Variants in PARN observed in about 807,000 individuals in gnomAD.
The protein encoded by PARN is poly(A)-specific ribonuclease PARN.
Under a neutral mutation model 102.8 loss-of-function variants are expected in PARN, and 71 were observed. The observed-to-expected ratio is 0.69, with a 90% CI of 0.57 to 0.84. The LOEUF (loss-of-function observed/expected upper bound fraction) is 0.84, where lower values mean the gene tolerates loss of function less well. PARN is among the 40% of genes least tolerant of loss of function. PARN has a pLI of 0.00. For missense variants in PARN, 782 were observed against 760.9 expected (o/e 1.03, Z -0.33); for synonymous variants, 261 against 252.9 (o/e 1.03, Z -0.30).
intron 21 of PARN, among the ~76,000 whole-genome samples, chr16:14,518,975 A>C (rs1055356382): frequency 6.6e-6 from 1 of 152,096 alleles, no homozygotes; most frequent in Admixed American, 6.5e-5. Context: ...ACTGCAAAAG[A>C]CAAATCTTAA....
At chr16:14,618,854 T>C (rs1972103709) in intron 5 of PARN, among the ~76,000 whole-genome samples, 1 of 152,034 alleles carries the variant, frequency 6.6e-6, no homozygotes, top group Admixed American at 6.6e-5. Flanking sequence ...CCACCTCAAA[T>C]TAGATAATGA....
At chr16:14,469,573 C>G (rs894965902) in intron 22 of PARN, among the ~76,000 whole-genome samples, 1 of 152,192 alleles carries the variant, frequency 6.6e-6, no homozygotes, top group Non-Finnish European at 1.5e-5. Context: ...CCTATCAGTA[C>G]AAGGACAAAC....
intron 20 of PARN, among the ~76,000 whole-genome samples, chr16:14,553,580 T>C (rs956930301): frequency 1.3e-5 from 2 of 152,156 alleles, no homozygotes; most frequent in African/African-American, 2.4e-5. Context: ...TAAACACTTA[T>C]CAGGAGACTG....
At chr16:14,613,525 A>G (rs1971660932) in intron 6 of PARN, among the ~76,000 whole-genome samples, 1 of 152,118 alleles carries the variant, frequency 6.6e-6, no homozygotes, top group Admixed American at 6.5e-5. Flanking sequence ...CAGGAGGCTG[A>G]GGTGGGATAA....
At chr16:14,581,612 T>C (rs1224612594) in intron 17 of PARN, among the ~76,000 whole-genome samples, 1 of 152,074 alleles carries the variant, frequency 6.6e-6, no homozygotes, top group Non-Finnish European at 1.5e-5. Flanking sequence ...ACGAGGGAAT[T>C]AGTGCCCTTA....
chr16:14,504,856 A>G (rs1964806443), intron 21 of PARN, among the ~76,000 whole-genome samples: 1 of 151,984 alleles, frequency 6.6e-6, no homozygotes, highest in Non-Finnish European at 1.5e-5. Flanking sequence ...ATTTTCCTAT[A>G]TGTATGTTAA....
chr16:14,608,635 AC>A (rs1354789351), intron 8 of PARN, among the ~76,000 whole-genome samples: 20 of 152,218 alleles, frequency 1.3e-4, no homozygotes, highest in Non-Finnish European at 2.4e-4. Flanking sequence ...GAAACTCCTC[AC>A]AAAGTAAAAG....
intron 6 of PARN, among the ~76,000 whole-genome samples, chr16:14,612,106 T>C (rs911726236): frequency 1.3e-4 from 20 of 152,100 alleles, no homozygotes; most frequent in African/African-American, 4.8e-4. Context: ...CTTACTGATA[T>C]CCTGGAGATG....
intron 21 of PARN, among the ~76,000 whole-genome samples, chr16:14,488,463 A>G (rs2151606491): frequency 6.6e-6 from 1 of 152,354 alleles, no homozygotes; most frequent in South Asian, 2.1e-4. Context: ...AAACTGGAAG[A>G]AGATATCTGT....
intron 5 of PARN, among the ~76,000 whole-genome samples, chr16:14,624,822 T>C (rs1035189578): frequency 6.6e-6 from 1 of 151,662 alleles, no homozygotes; most frequent in African/African-American, 2.4e-5. Context: ...GAGGCCAAGA[T>C]GGGAGGATCA....
At chr16:14,616,686 G>A (rs1305900000) in intron 6 of PARN, among the ~76,000 whole-genome samples, 1 of 152,146 alleles carries the variant, frequency 6.6e-6, no homozygotes, top group Non-Finnish European at 1.5e-5. Context: ...CAAGGCTCCG[G>A]TGAGCTATGA....
At chr16:14,510,484 T>C (rs1289028474) in intron 21 of PARN, among the ~76,000 whole-genome samples, 1 of 152,138 alleles carries the variant, frequency 6.6e-6, no homozygotes, top group Non-Finnish European at 1.5e-5. Context: ...ACAAATTATA[T>C]AGGACTTTGT....
At chr16:14,531,705 G>C (rs1291987646) in intron 21 of PARN, among the ~76,000 whole-genome samples, 1 of 151,974 alleles carries the variant, frequency 6.6e-6, no homozygotes, top group Non-Finnish European at 1.5e-5. Flanking sequence ...ACATGGGAAA[G>C]AGTGCCATGA....
intron 21 of PARN, among the ~76,000 whole-genome samples, chr16:14,502,845 C>G (rs1964692864): frequency 6.6e-6 from 1 of 152,124 alleles, no homozygotes; most frequent in East Asian, 1.9e-4. Context: ...TCCGAACAGC[C>G]CTGGGCTTGC....
At chr16:14,586,469 G>A (rs1018232404) in intron 13 of PARN, 108 bp from the exon 14 acceptor site, 3 of 673,648 alleles carry the variant, frequency 4.5e-6, no homozygotes, top group Non-Finnish European at 7.9e-6. Flanking sequence ...CAAGCTGTTG[G>A]GGCCCTTAAG....
At chr16:14,498,492 T>C (rs1321768414) in intron 21 of PARN, among the ~76,000 whole-genome samples, 1 of 152,160 alleles carries the variant, frequency 6.6e-6, no homozygotes, top group Non-Finnish European at 1.5e-5. Context: ...TTCCTAGGCC[T>C]GCCTCTCACC....
chr16:14,501,493 A>T, intron 21 of PARN: 1 of 145,432 alleles, frequency 6.9e-6, no homozygotes, highest in African/African-American at 2.5e-5. Flanking sequence ...GTTAAAATGT[A>T]GGCAGAGGCA....
At chr16:14,626,067 A>G (rs931713582) in intron 5 of PARN, among the ~76,000 whole-genome samples, 13 of 152,076 alleles carry the variant, frequency 8.5e-5, no homozygotes, top group African/African-American at 3.1e-4. Flanking sequence ...CCTAATATTG[A>G]CCCATCAATT....
intron 18 of PARN, among the ~76,000 whole-genome samples, chr16:14,560,572 A>C (rs935092473): frequency 1.3e-5 from 2 of 152,254 alleles, no homozygotes; most frequent in Non-Finnish European, 2.9e-5. Context: ...GATGTCATAG[A>C]GCAAGTTTTA....
Sources: allele counts gnomAD v4.1 joint callset (sites outside exome capture counted in the v4.1 genomes callset), GRCh38; gene constraint gnomAD v4.1.1; transcripts MANE v1.5; gene names NCBI Gene and HGNC (gene_info 2026-07-23, HGNC 2026-07-21).